The following JARID2 variants were observed in gnomAD, a reference collection of about 807,000 sequenced individuals.
JARID2 encodes the protein protein Jumonji.
In JARID2, 21 loss-of-function variants were observed where a neutral mutation model predicts 125.6. The ratio of observed to expected loss-of-function variants is 0.17; its 90% CI spans 0.12 to 0.24. The LOEUF (loss-of-function observed/expected upper bound fraction) is 0.24. JARID2 is among the 10% of genes least tolerant of loss of function. JARID2 has a pLI of 1.00. For missense variants in JARID2, 1,303 were observed against 1,639.6 expected (o/e 0.79, Z 3.55); for synonymous variants, 736 against 661.6 (o/e 1.11, Z -1.73).
intron 3 of JARID2, among the ~76,000 whole-genome samples, chr6:15,414,851 GT>G (rs1766061904): frequency 6.6e-6 from 1 of 152,000 alleles, no homozygotes; most frequent in African/African-American, 2.4e-5. Flanking sequence ...ATTCTTGGGT[GT>G]TTCTCACAGA....
chr6:15,336,736 G>T (rs775219944), intron 1 of JARID2, among the ~76,000 whole-genome samples: 2 of 150,708 alleles, frequency 1.3e-5, no homozygotes, highest in Admixed American at 6.6e-5. Flanking sequence ...AAATTTAAGA[G>T]ATGAGGTCTC....
intron 1 of JARID2, among the ~76,000 whole-genome samples, chr6:15,267,966 C>G (rs528840479): frequency 7.9e-4 from 120 of 152,196 alleles, no homozygotes; most frequent in Non-Finnish European, 1.5e-3. Flanking sequence ...GGCTTAACTG[C>G]GGCGGGGATC....
intron 8 of JARID2, among the ~76,000 whole-genome samples, chr6:15,503,254 C>T (rs1445227897): frequency 3.3e-5 from 5 of 152,228 alleles, no homozygotes; most frequent in African/African-American, 1.2e-4. Context: ...CCACTCATTG[C>T]ACTCTGCCTT....
intron 4 of JARID2, among the ~76,000 whole-genome samples, chr6:15,465,682 G>A (rs979654846): frequency 1.3e-5 from 2 of 151,892 alleles, no homozygotes; most frequent in Non-Finnish European, 2.9e-5. Context: ...CCTGTTAAGT[G>A]GAAGTTAATT....
intron 4 of JARID2, among the ~76,000 whole-genome samples, chr6:15,463,017 G>A (rs537112011): frequency 3.9e-5 from 6 of 152,254 alleles, no homozygotes; most frequent in Admixed American, 1.3e-4. Flanking sequence ...AATGAAATAC[G>A]GCTTTGGCAA....
chr6:15,305,960 A>T (rs919286110), intron 1 of JARID2, among the ~76,000 whole-genome samples: 2 of 152,248 alleles, frequency 1.3e-5, no homozygotes, highest in African/African-American at 4.8e-5. Context: ...TCTACTATTC[A>T]TCTGTGGTTT....
chr6:15,428,415 C>A (rs1369916955), intron 3 of JARID2, among the ~76,000 whole-genome samples: 1 of 152,092 alleles, frequency 6.6e-6, no homozygotes, highest in African/African-American at 2.4e-5. Flanking sequence ...TGCTATCCCT[C>A]CACCCTCCCG....
In JARID2 at chr6:15,487,334, G is replaced by T; in HGVS notation, c.698G>T (p.Arg233Leu). The change falls in exon 6 of 18, where the codon CGG (arginine) becomes CTG (leucine). Residue 233 changes from arginine to leucine, a missense_variant. Arg to Leu is a moderately radical substitution (Grantham distance 102). This residue lies in a region of JARID2 where 651 missense variants were observed against 581.6 expected (regional missense o/e 1.12). Coordinates refer to ENST00000341776, the MANE Select transcript of JARID2 (RefSeq NM_004973.4). ...TTCAATGGTTCCAGCAGGTCAACAC[G>T]GGAGAAGGAACCTGTTCAAAAACAC... is the stretch of plus-strand genomic sequence containing the variant. The part of the protein sequence containing the change: ...HVFNGSSRST[R>L]EKEPVQKHKS... 3.1e-6 allele frequency: 5 copies of T among 1,614,130 alleles called. No homozygotes were observed. The highest frequency in any genetic ancestry group is 4.2e-6 in the Non-Finnish European group (5 of 1,180,022).
rs1216179672 is a variant in JARID2 at position 15,517,283 on chromosome 6, G to A, written c.3558+15G>A. ...GCTACGATGAGGTCAGTCCCTGCCC[G>A]CGGGGTAGGGCAGGGCGGCAGCGTG... On this transcript the variant is annotated intron_variant, in intron 17 of 17. Transcript: ENST00000341776. 10 of 1,566,836 alleles carry A rather than the reference G, an allele frequency of 6.4e-6. No individual in the cohort carries two copies. The highest frequency in any genetic ancestry group is 3.3e-5 in the Admixed American group (2 of 59,934).
chr6:15,426,028 A>C (rs1399533875), intron 3 of JARID2, among the ~76,000 whole-genome samples: 1 of 152,180 alleles, frequency 6.6e-6, no homozygotes, highest in African/African-American at 2.4e-5. Flanking sequence ...AATCTAATGC[A>C]GGGAAACAGG....
At chr6:15,509,983 T>C (rs1020096830) in intron 12 of JARID2, among the ~76,000 whole-genome samples, 6 of 152,168 alleles carry the variant, frequency 3.9e-5, no homozygotes, top group African/African-American at 9.7e-5. Flanking sequence ...TATGTTGGCA[T>C]TGAAAATAAC....
intron 1 of JARID2, among the ~76,000 whole-genome samples, chr6:15,256,990 T>C (rs1159710474): frequency 6.6e-6 from 1 of 152,226 alleles, no homozygotes; most frequent in Non-Finnish European, 1.5e-5. Context: ...ATCACAATTT[T>C]GGACGCTATA....
chr6:15,366,613 T>C (rs1000035038), intron 1 of JARID2, among the ~76,000 whole-genome samples: 4 of 151,924 alleles, frequency 2.6e-5, no homozygotes, highest in African/African-American at 9.7e-5. Context: ...GAGATCTTCC[T>C]GCCTGTGATC....
intron 3 of JARID2, among the ~76,000 whole-genome samples, chr6:15,440,151 T>C (rs1767384164): frequency 6.6e-6 from 1 of 152,250 alleles, no homozygotes; most frequent in African/African-American, 2.4e-5. Flanking sequence ...CGCAATTAGA[T>C]GAACATGTAT....
intron 5 of JARID2, among the ~76,000 whole-genome samples, chr6:15,482,980 C>T (rs1216912414): frequency 6.6e-6 from 1 of 152,160 alleles, no homozygotes; most frequent in East Asian, 1.9e-4. Flanking sequence ...CTCATGATGG[C>T]AGATACTGGT....
chr6:15,500,760 G>A (rs897512221), intron 7 of JARID2, 147 bp from the exon 8 acceptor site: 3 of 692,432 alleles, frequency 4.3e-6, no homozygotes, highest in Non-Finnish European at 5.0e-6. Context: ...TCTGTGGACC[G>A]GGAGTCTGCT....
chr6:15,286,518 G>T (rs1245170746), intron 1 of JARID2, among the ~76,000 whole-genome samples: 1 of 151,500 alleles, frequency 6.6e-6, no homozygotes, highest in Non-Finnish European at 1.5e-5. Flanking sequence ...CCAAAGTGCT[G>T]GGATTACAGG....
At chr6:15,462,057 A>G (rs1480462414) in intron 4 of JARID2, among the ~76,000 whole-genome samples, 1 of 152,206 alleles carries the variant, frequency 6.6e-6, no homozygotes, top group Non-Finnish European at 1.5e-5. Context: ...ACCAGAAAGG[A>G]CATTAAGTGA....
At position 15,251,472 on chromosome 6, in the gene JARID2, C is replaced by G. The variant is rs983132791; in HGVS notation, c.45+4888C>G. 5.9e-5 allele frequency among the ~76,000 whole-genome samples: 9 copies of G among 152,336 alleles called. 1 individual carries two copies. Among genetic ancestry groups the G allele is most frequent in the African/African-American group, 2.2e-4 (9 of 41,572 alleles). ...ATTACAGTAGTAGCAGCTCTACTAA[C>G]CACCTTTTGTCTACCCATCCTGCTT... is the stretch of plus-strand genomic sequence containing the variant. On this transcript the variant is annotated intron_variant, in intron 1 of 17. Coordinates refer to ENST00000341776, the MANE Select transcript of JARID2 (RefSeq NM_004973.4).
Sources: allele counts gnomAD v4.1 joint callset (sites outside exome capture counted in the v4.1 genomes callset), GRCh38; gene constraint gnomAD v4.1.1; regional missense constraint gnomAD v4.1.1; transcripts MANE v1.5; gene names NCBI Gene and HGNC (gene_info 2026-07-23, HGNC 2026-07-21).